AHR: variants seen among roughly 807,000 people sequenced by gnomAD.
AHR encodes AH-receptor.
AHR carries 40 observed loss-of-function variants against 86.8 expected under a neutral mutation model. The observed-to-expected ratio is 0.46, with a 90% CI of 0.36 to 0.60. The LOEUF is 0.60. AHR is among the 20% of genes least tolerant of loss of function. The pLI is 0.00. For missense variants in AHR, 1,001 were observed against 1,011.6 expected, an observed-to-expected ratio of 0.99 and a Z score of 0.14; for synonymous variants, 398 against 354.9, an observed-to-expected ratio of 1.12 and a Z score of -1.37.
rs1187681729 is a variant in AHR at position 17,320,332 on chromosome 7, G to C, written c.254-2169G>C. 5.3e-5 allele frequency among the ~76,000 whole-genome samples: 8 copies of C among 152,120 alleles called. No individual in the cohort carries two copies. The East Asian group carries it at 1.5e-3, about 29-fold the overall frequency. Reference sequence around the variant, plus strand: ...AAGAACAAATTATAAATTACTCTAAGATGAATGGTCTCTTTCATTGCTTAG... The same window carrying C: ...AAGAACAAATTATAAATTACTCTAACATGAATGGTCTCTTTCATTGCTTAG... On this transcript the variant is annotated intron_variant, in intron 2 of 10. Transcript: ENST00000242057.
intron 1 of AHR, among the ~76,000 whole-genome samples, chr7:17,305,501 G>A (rs1194625951): frequency 6.6e-6 from 1 of 151,980 alleles, no homozygotes; most frequent in Non-Finnish European, 1.5e-5. Flanking sequence ...GCTGAGAAGC[G>A]GGTGCCCAAC....
chr7:17,304,537 G>T (rs1781986453), intron 1 of AHR, among the ~76,000 whole-genome samples: 1 of 152,036 alleles, frequency 6.6e-6, no homozygotes. Context: ...TTTTCTGGAA[G>T]AGAAGGGTAG....
In AHR at chr7:17,309,371, A is replaced by G. The variant is rs546739689; in HGVS notation, c.66-565A>G. ...ATTCTTCTTTTAATATTTGAGGACC[A>G]CATTAGATGGCTGGAGGACCATCTG... On this transcript the variant is annotated intron_variant, in intron 1 of 10. Transcript: ENST00000242057. Among the ~76,000 whole-genome samples, 5 of 152,350 alleles carry G rather than the reference A, an allele frequency of 3.3e-5. No individual in the cohort carries two copies. In the South Asian group the frequency reaches 8.3e-4, roughly 25 times the overall value.
At chr7:17,300,262 A>G (rs1401715385) in intron 1 of AHR, among the ~76,000 whole-genome samples, 1 of 152,130 alleles carries the variant, frequency 6.6e-6, no homozygotes, top group Non-Finnish European at 1.5e-5. Context: ...AGGTGGTTGT[A>G]TTCATGTGTT....
At chr7:17,299,437 C>G (rs947208425) in intron 1 of AHR, 108 bp downstream of exon 1, 13 of 1,271,534 alleles carry the variant, frequency 1.0e-5, no homozygotes, top group African/African-American at 3.1e-5. Context: ...GGGATTAGGT[C>G]CATTCCCGGC....
chr7:17,339,745 G>A lies in AHR; in HGVS notation c.1920G>A (p.Gln640=). 1 of 1,614,184 alleles carries A rather than the reference G, an allele frequency of 6.2e-7. No individual in the cohort carries two copies. The highest frequency in any genetic ancestry group is 1.6e-4 in the Middle Eastern group (1 of 6,062). ...TGGAGCCACAGCAACAGCTGTGTCAGAAGATGAAGCACATGCAAGTTAATG... is the reference window on the plus strand; with the variant it reads ...TGGAGCCACAGCAACAGCTGTGTCAAAAGATGAAGCACATGCAAGTTAATG... ...VVVEPQQQLC[Q]KMKHMQVNGM... is the part of the protein sequence containing the mutation. The change falls in exon 10 of 11, where the codon CAG becomes CAA. Residue 640 remains glutamine, a synonymous_variant. Transcript: ENST00000242057.
intron 4 of AHR, among the ~76,000 whole-genome samples, chr7:17,329,276 T>A (rs1782260722): frequency 6.6e-6 from 1 of 152,004 alleles, no homozygotes; most frequent in Admixed American, 6.6e-5. Context: ...TTATCTCATG[T>A]AATAATGGTA....
rs1441056369 is a variant in AHR at position 17,309,557 on chromosome 7, G to A, written c.66-379G>A. ...CTTCCTGTGGAAGATAGCAAAGGAA[G>A]TATGATTTTCATATAATTTATCACA... On this transcript the variant is annotated intron_variant, in intron 1 of 10. Coordinates refer to ENST00000242057, the MANE Select transcript of AHR (RefSeq NM_001621.5). 2.0e-5 allele frequency among the ~76,000 whole-genome samples: 3 copies of A among 152,214 alleles called. No homozygotes were observed. In the East Asian group the frequency reaches 5.8e-4, roughly 29 times the overall value.
chr7:17,309,316 C>A (rs1782039017), intron 1 of AHR, among the ~76,000 whole-genome samples: 2 of 152,172 alleles, frequency 1.3e-5, no homozygotes, highest in South Asian at 4.1e-4. Flanking sequence ...TATTTGCCAA[C>A]AAGAAATGTA....
intron 6 of AHR, among the ~76,000 whole-genome samples, chr7:17,331,657 G>C (rs557549623): frequency 7.0e-4 from 106 of 151,964 alleles, no homozygotes; most frequent in African/African-American, 2.3e-3. Context: ...GTATATTCAT[G>C]ATTGTGGAAT....
chr7:17,300,896 G>A (rs547969360), intron 1 of AHR, among the ~76,000 whole-genome samples: 29 of 152,132 alleles, frequency 1.9e-4, no homozygotes, highest in African/African-American at 7.0e-4. Context: ...TTAAGATACT[G>A]GGTTTCAGTT....
At chr7:17,319,036 A>G (rs2115357547) in intron 2 of AHR, among the ~76,000 whole-genome samples, 1 of 152,218 alleles carries the variant, frequency 6.6e-6, no homozygotes, top group South Asian at 2.1e-4. Context: ...TGCATAGTTC[A>G]AACCCATGTT....
rs553026098 is a variant in AHR, at chr7:17,338,544, G to A, written c.1161-442G>A. ...CTAGTTTTTATTTTTTTGTAGAGGT[G>A]AGGGTCTTGCCATGTTGCCCAGGTT... On this transcript the variant is annotated intron_variant, in intron 9 of 10. Coordinates refer to ENST00000242057, the MANE Select transcript of AHR (RefSeq NM_001621.5). Among the ~76,000 whole-genome samples, 18 of 152,016 alleles carry A rather than the reference G, an allele frequency of 1.2e-4. No homozygotes were observed. In the South Asian group the frequency reaches 3.5e-3, roughly 30 times the overall value.
At chr7:17,304,891 G>A (rs560030814) in intron 1 of AHR, among the ~76,000 whole-genome samples, 1 of 152,120 alleles carries the variant, frequency 6.6e-6, no homozygotes, top group South Asian at 2.1e-4. Flanking sequence ...TACATTTTAT[G>A]CGGGTTCGAG....
chr7:17,325,106 AATG>A (rs1472398804), intron 3 of AHR, among the ~76,000 whole-genome samples: 12 of 152,216 alleles, frequency 7.9e-5, no homozygotes, highest in African/African-American at 1.9e-4. Context: ...TGACTAAAAG[AATG>A]ATGATCTCTT....
At chr7:17,331,214 A>G (rs1197876282) in intron 6 of AHR, among the ~76,000 whole-genome samples, 3 of 151,890 alleles carry the variant, frequency 2.0e-5, no homozygotes, top group African/African-American at 4.8e-5. Context: ...GCTTTCCGTT[A>G]GCTTATATAG....
At chr7:17,334,317 C>A (rs1161832617) in intron 7 of AHR, among the ~76,000 whole-genome samples, 2 of 151,946 alleles carry the variant, frequency 1.3e-5, no homozygotes, top group Non-Finnish European at 2.9e-5. Context: ...CAATACTTGT[C>A]TCAAATGATG....
In AHR at chr7:17,340,126, G is replaced by A. The variant is rs1302874862; in HGVS notation, c.2301G>A (p.Gly767=). The A allele has an allele frequency of 3.7e-6, 6 of 1,614,000 alleles. No individual in the cohort carries two copies. Among genetic ancestry groups the A allele is most frequent in the Non-Finnish European group, 5.1e-6 (6 of 1,180,020 alleles). ...TAACTCCTCAGACATGTTATGCTGG[G>A]GCCGTGTCGATGTATCAGTGCCAGC... ...AIITPQTCYA[G]AVSMYQCQPE... Residue 767 remains glycine, a synonymous_variant, in exon 10 of 11, where the codon GGG becomes GGA. Coordinates refer to ENST00000242057, the MANE Select transcript of AHR (RefSeq NM_001621.5).
At chr7:17,301,776 A>C (rs2115348869) in intron 1 of AHR, among the ~76,000 whole-genome samples, 1 of 151,978 alleles carries the variant, frequency 6.6e-6, no homozygotes, top group Middle Eastern at 3.4e-3. Flanking sequence ...AACATAGTAG[A>C]CTCTCAATAA....
Sources: gnomAD v4.1 joint callset for allele counts (sites outside exome capture counted in the v4.1 genomes callset) on GRCh38, gnomAD v4.1.1 for gene constraint, MANE v1.5 for transcripts, NCBI Gene and HGNC (gene_info 2026-07-23, HGNC 2026-07-21) for gene names.